RIPOR2: variants seen among roughly 807,000 people sequenced by gnomAD.
RIPOR2 encodes RHO family interacting cell polarization regulator 2.
In RIPOR2, 39 loss-of-function variants were observed where a neutral mutation model predicts 114.5. The observed-to-expected ratio is 0.34, with a 90% CI of 0.26 to 0.44. The LOEUF (loss-of-function observed/expected upper bound fraction) is 0.44. Ranked by LOEUF, RIPOR2 falls within the 20% of genes least tolerant of loss-of-function variation. The pLI is 1.00. For missense variants in RIPOR2, 1,007 were observed against 1,255.1 expected (o/e 0.80, Z 2.99); for synonymous variants, 445 against 484.4 (o/e 0.92, Z 1.07).
intron 1 of RIPOR2, chr6:25,015,281 T>G (rs1775916621): frequency 6.6e-6 from 1 of 152,234 alleles, no homozygotes; most frequent in African/African-American, 2.4e-5. Context: ...TCTGGCAAAG[T>G]CTGATAAGCA....
chr6:24,923,722 C>A (rs978273912), intron 1 of RIPOR2, among the ~76,000 whole-genome samples: 1 of 152,010 alleles, frequency 6.6e-6, no homozygotes, highest in Non-Finnish European at 1.5e-5. Flanking sequence ...ATGGCGCATG[C>A]CTGTAGTTCC....
intron 1 of RIPOR2, among the ~76,000 whole-genome samples, chr6:24,996,576 T>A (rs1309108965): frequency 6.6e-6 from 1 of 152,198 alleles, no homozygotes; most frequent in Non-Finnish European, 1.5e-5. Flanking sequence ...CACCACTGTT[T>A]CTGCTTCCTT....
At chr6:24,955,807 C>A (rs1188951348) in intron 1 of RIPOR2, among the ~76,000 whole-genome samples, 1 of 150,276 alleles carries the variant, frequency 6.7e-6, no homozygotes, top group African/African-American at 2.4e-5. Flanking sequence ...GAGTTCGAAA[C>A]CAGCCTGGCC....
At chr6:24,928,911 A>G (rs1771166644) in intron 1 of RIPOR2, among the ~76,000 whole-genome samples, 1 of 152,184 alleles carries the variant, frequency 6.6e-6, no homozygotes. Context: ...ACCCACCCCA[A>G]AAAGTTCCCA....
intron 1 of RIPOR2, among the ~76,000 whole-genome samples, chr6:24,927,456 A>C (rs1771040367): frequency 6.6e-6 from 1 of 152,070 alleles, no homozygotes; most frequent in Admixed American, 6.6e-5. Context: ...CAACATTATC[A>C]TCATAATCAT....
chr6:24,963,774 T>G (rs673782), intron 1 of RIPOR2, among the ~76,000 whole-genome samples: 125,207 of 152,024 alleles, frequency 0.82, 54,318 homozygotes, highest in East Asian at 0.96. Flanking sequence ...TTGTCCTCCT[T>G]GGCATTCGCT....
chr6:24,841,415 G>T (rs1189283107), intron 13 of RIPOR2, among the ~76,000 whole-genome samples: 1 of 152,058 alleles, frequency 6.6e-6, no homozygotes, highest in African/African-American at 2.4e-5. Context: ...GTTTCTCGGA[G>T]GCTATGCCAT....
Position 24,973,831 on chromosome 6 carries a change from A to T in RIPOR2, c.76+68020T>A, listed in dbSNP as rs184706213. Among the ~76,000 whole-genome samples, 6 of 152,296 alleles carry T rather than the reference A, an allele frequency of 3.9e-5. No homozygotes were observed. The East Asian group carries it at 1.2e-3, about 29-fold the overall frequency. On this transcript the variant is annotated intron_variant, in intron 1 of 13. Coordinates refer to the RIPOR2 transcript ENST00000510784. ...CAGCTGGAGGTCATTATCCTAAGTGAATTAATGTAGGAACAGAAAACCAAA... is the reference window on the plus strand; with the variant it reads ...CAGCTGGAGGTCATTATCCTAAGTGTATTAATGTAGGAACAGAAAACCAAA...
intron 1 of RIPOR2, among the ~76,000 whole-genome samples, chr6:25,029,609 C>A (rs956873785): frequency 6.6e-6 from 1 of 151,864 alleles, no homozygotes; most frequent in African/African-American, 2.4e-5. Context: ...CTGGGACCCT[C>A]CGTGCCCCAC....
intron 8 of RIPOR2, among the ~76,000 whole-genome samples, chr6:24,860,225 A>G (rs991857432): frequency 2.6e-5 from 4 of 152,208 alleles, no homozygotes; most frequent in Admixed American, 1.3e-4. Context: ...AAACATGAGG[A>G]GCTAAAGGAA....
intron 1 of RIPOR2, among the ~76,000 whole-genome samples, chr6:24,896,072 C>G (rs980027471): frequency 3.9e-5 from 6 of 152,098 alleles, no homozygotes; most frequent in Non-Finnish European, 8.8e-5. Context: ...AAAGGAGCCC[C>G]GTGTCAGGAT....
intron 1 of RIPOR2, among the ~76,000 whole-genome samples, chr6:24,957,654 A>G (rs966583001): frequency 1.3e-5 from 2 of 152,164 alleles, no homozygotes; most frequent in African/African-American, 4.8e-5. Flanking sequence ...CAGGTGGATC[A>G]CGAGGTCAGG....
intron 1 of RIPOR2, among the ~76,000 whole-genome samples, chr6:25,032,916 TG>T (rs374396346): frequency 2.2e-3 from 328 of 152,328 alleles, no homozygotes; most frequent in African/African-American, 7.0e-3. Context: ...TTGTAGAACA[TG>T]GTATTATTCT....
chr6:25,029,116 G>A (rs187477328), intron 1 of RIPOR2, among the ~76,000 whole-genome samples: 15 of 152,048 alleles, frequency 9.9e-5, no homozygotes, highest in African/African-American at 3.6e-4. Context: ...GTGAAACCCC[G>A]TCTCTACTAA....
intron 19 of RIPOR2, among the ~76,000 whole-genome samples, chr6:24,822,203 C>T (rs900779046): frequency 5.9e-5 from 9 of 152,156 alleles, no homozygotes; most frequent in Non-Finnish European, 1.2e-4. Flanking sequence ...AAGGGCTGGC[C>T]CTGGAGGTCA....
intron 4 of RIPOR2, among the ~76,000 whole-genome samples, chr6:24,872,191 C>T (rs1274499243): frequency 6.6e-6 from 1 of 152,162 alleles, no homozygotes; most frequent in Non-Finnish European, 1.5e-5. Context: ...TTCAATCACA[C>T]AAGTCCTCAC....
Position 24,927,153 on chromosome 6 carries a change from CACCACCACAACTACA to C in RIPOR2, c.61+8670_61+8684del, listed in dbSNP as rs1561782471. ...ATCTCACTACCACCACCACCACCAC[CACCACCACAACTACA>C]ATCACCACCACCATGACCACCACCA... is the stretch of plus-strand genomic sequence containing the variant. On this transcript the variant is annotated intron_variant, in intron 1 of 21. Transcript: ENST00000643898. 2.4e-4 allele frequency among the ~76,000 whole-genome samples: 22 copies of C among 92,146 alleles called. 9 individuals carry two copies. Among genetic ancestry groups the C allele is most frequent in the Admixed American group, 9.8e-4 (9 of 9,176 alleles). 60.5% of individuals were successfully genotyped at this position (92,146 alleles called of 152,430 possible).
chr6:24,974,602 T>C (rs913637922), intron 1 of RIPOR2, among the ~76,000 whole-genome samples: 22 of 152,180 alleles, frequency 1.4e-4, no homozygotes, highest in African/African-American at 5.3e-4. Context: ...GAAAGGAGCT[T>C]CGCAGTTCCT....
chr6:24,991,600 G>A (rs1333146023), intron 1 of RIPOR2, among the ~76,000 whole-genome samples: 1 of 152,156 alleles, frequency 6.6e-6, no homozygotes, highest in Non-Finnish European at 1.5e-5. Flanking sequence ...TATGGGTTTA[G>A]GTTTATGGAA....
Sources: allele counts gnomAD v4.1 joint callset (sites outside exome capture counted in the v4.1 genomes callset), GRCh38; gene constraint gnomAD v4.1.1; transcripts MANE v1.5; gene names NCBI Gene and HGNC (gene_info 2026-07-23, HGNC 2026-07-21).